RRAGC: variants seen among roughly 807,000 people sequenced by gnomAD.
The protein encoded by RRAGC is ras-related GTP-binding protein C.
In RRAGC, 8 loss-of-function variants were observed where a neutral mutation model predicts 37.1. That is an observed-to-expected ratio of 0.22 (90% confidence interval 0.13 to 0.39). The LOEUF is 0.39. Among genes scored for constraint, RRAGC ranks in the 10% least tolerant of loss-of-function variants. RRAGC has a pLI of 1.00. For missense variants in RRAGC, 342 were observed against 497.6 expected (o/e 0.69, Z 2.98); for synonymous variants, 190 against 181.1 (o/e 1.05, Z -0.39).
rs1642202515 is a variant in RRAGC at position 38,859,136 on chromosome 1, C to T, written c.237+274G>A. Among the ~76,000 whole-genome samples the T allele has an allele frequency of 2.6e-5, 4 of 152,358 alleles. No individual in the cohort carries two copies. In the South Asian group the frequency reaches 6.2e-4, roughly 24 times the overall value. On this transcript the variant is annotated intron_variant, in intron 1 of 6. Transcript: ENST00000373001. ...TCGTAAATGACACAGGAGCTGGGTC[C>T]CAGGGGGCGGAGGTCTTGGGCGGTG...
chr1:38,842,807 A>G (rs1641980596), intron 6 of RRAGC, among the ~76,000 whole-genome samples: 1 of 152,230 alleles, frequency 6.6e-6, no homozygotes, highest in South Asian at 2.1e-4. Context: ...AACCTGTAGA[A>G]TACTATATGG....
At chr1:38,857,376 G>A (rs2124235164) in intron 1 of RRAGC, among the ~76,000 whole-genome samples, 1 of 152,122 alleles carries the variant, frequency 6.6e-6, no homozygotes, top group South Asian at 2.1e-4. Context: ...GTTTTTCTGG[G>A]GGAAAGCTAA....
rs1397839977 is a variant in RRAGC, at chr1:38,838,400, T to C, written c.*1153A>G. On this transcript the variant is annotated 3_prime_UTR_variant, in exon 7 of 7. Transcript: ENST00000373001. ...ATATTGCATTAAACAGTGGCACTTA[T>C]GTACTCAAGTGGTCCAGTGGCTTTG... The C allele has an allele frequency of 2.6e-5, 4 of 152,248 alleles. No individual in the cohort carries two copies. The highest frequency in any genetic ancestry group is 1.9e-4 in the East Asian group (1 of 5,208). The allele number at this position is 152,248 out of a possible 1,614,324, so 9.4% of individuals were successfully genotyped here.
intron 6 of RRAGC, among the ~76,000 whole-genome samples, chr1:38,841,367 A>T (rs945442291): frequency 1.5e-5 from 2 of 130,058 alleles, no homozygotes; most frequent in Non-Finnish European, 3.5e-5. Context: ...CATAAACAAA[A>T]ATTTTTTTTT....
chr1:38,855,701 T>C lies in RRAGC; in HGVS notation c.641+7A>G. On this transcript the variant is annotated splice_region_variant and intron_variant, in intron 3 of 6. Transcript: ENST00000373001. ...AGGGCTTTCATATCAAACACACATG[T>C]TGTTACCTAAGATGGAGTTTTTCTA... The C allele has an allele frequency of 1.9e-6, 3 of 1,610,586 alleles. No individual in the cohort carries two copies. The highest frequency in any genetic ancestry group is 2.5e-6 in the Non-Finnish European group (3 of 1,176,820).
chr1:38,852,852 A>G (rs1474815011), intron 3 of RRAGC, among the ~76,000 whole-genome samples: 1 of 152,222 alleles, frequency 6.6e-6, no homozygotes, highest in African/African-American at 2.4e-5. Context: ...TGTGACATTT[A>G]TTAAATAAGA....
At chr1:38,841,591 C>T (rs1204374236) in intron 6 of RRAGC, among the ~76,000 whole-genome samples, 1 of 151,682 alleles carries the variant, frequency 6.6e-6, no homozygotes, top group Non-Finnish European at 1.5e-5. Flanking sequence ...TCTTGAACTC[C>T]TGAGCTCAAG....
intron 6 of RRAGC, 91 bp downstream of exon 6, chr1:38,845,848 C>G (rs1196125035): frequency 1.8e-6 from 2 of 1,081,504 alleles, no homozygotes; most frequent in African/African-American, 3.2e-5. Flanking sequence ...ATTTGTCTAA[C>G]ACTGCAATTA....
At position 38,854,637 on chromosome 1, in the gene RRAGC, C is replaced by T. The variant is rs531952484; in HGVS notation, c.641+1071G>A. On this transcript the variant is annotated intron_variant, in intron 3 of 6. Coordinates refer to ENST00000373001, the MANE Select transcript of RRAGC (RefSeq NM_022157.4). The stretch of plus-strand genomic sequence containing the variant: ...GGAGAGCCACTTACATTTTCTCCTA[C>T]AAACATTGCTGAATTTTTATTTTTT... 3.3e-5 allele frequency among the ~76,000 whole-genome samples: 5 copies of T among 152,336 alleles called. No individual in the cohort carries two copies. The South Asian group carries it at 1.0e-3, about 32-fold the overall frequency.
At chr1:38,859,273 G>C (rs1342553452) in intron 1 of RRAGC, 137 bp downstream of exon 1, 1 of 849,698 alleles carries the variant, frequency 1.2e-6, no homozygotes, top group African/African-American at 1.8e-5. Flanking sequence ...CCGCGCCTGT[G>C]CGCTCGCAAG....
chr1:38,844,022 T>C (rs1350164524), intron 6 of RRAGC, among the ~76,000 whole-genome samples: 1 of 151,984 alleles, frequency 6.6e-6, no homozygotes, highest in Non-Finnish European at 1.5e-5. Flanking sequence ...TCAGATTTGG[T>C]GAAAATTCAA....
chr1:38,857,508 G>A (rs1642181709), intron 1 of RRAGC, among the ~76,000 whole-genome samples: 1 of 152,104 alleles, frequency 6.6e-6, no homozygotes, highest in Non-Finnish European at 1.5e-5. Flanking sequence ...AATTTAAAAA[G>A]TGAAACAGAC....
intron 5 of RRAGC, among the ~76,000 whole-genome samples, chr1:38,850,508 C>T (rs934347987): frequency 1.6e-5 from 2 of 127,046 alleles, no homozygotes; most frequent in Non-Finnish European, 3.4e-5. Flanking sequence ...AGCAAGACTC[C>T]GTTTAATAAA....
intron 4 of RRAGC, among the ~76,000 whole-genome samples, chr1:38,852,040 A>G (rs991723110): frequency 6.6e-6 from 1 of 152,228 alleles, no homozygotes; most frequent in Non-Finnish European, 1.5e-5. Context: ...AAAATTTAAC[A>G]AAAATCTCTA....
intron 6 of RRAGC, among the ~76,000 whole-genome samples, chr1:38,840,147 C>CAAAAAA (rs397939319): frequency 2.4e-4 from 11 of 45,078 alleles, no homozygotes; most frequent in South Asian, 7.5e-4. Context: ...GACTCCAACT[C>CAAAAAA]AAAAAAAAAA....
At chr1:38,852,186 T>G (rs553457287) in intron 4 of RRAGC, among the ~76,000 whole-genome samples, 188 bp downstream of exon 4, 261 of 152,344 alleles carry the variant, frequency 1.7e-3, no homozygotes, top group South Asian at 3.9e-3. Flanking sequence ...GACATCAACA[T>G]CTATTTAAGA....
In RRAGC at chr1:38,855,694, A is replaced by G. The variant is rs778804097; in HGVS notation, c.641+14T>C. ...CTTGTTCAGGGCTTTCATATCAAAC[A>G]CACATGTTGTTACCTAAGATGGAGT... On this transcript the variant is annotated intron_variant, in intron 3 of 6. Coordinates refer to ENST00000373001, the MANE Select transcript of RRAGC (RefSeq NM_022157.4). 2.6e-5 allele frequency: 42 copies of G among 1,606,840 alleles called. No individual in the cohort carries two copies. Among genetic ancestry groups the G allele is most frequent in the Non-Finnish European group, 3.5e-5 (41 of 1,173,572 alleles).
rs1238778280 is a variant in RRAGC at position 38,859,718 on chromosome 1, C to G, written c.-72G>C. The G allele has an allele frequency of 1.7e-6, 2 of 1,209,958 alleles. No individual in the cohort carries two copies. The highest frequency in any genetic ancestry group is 3.2e-5 in the African/African-American group (2 of 62,958). The allele number at this position is 1,209,958 out of a possible 1,614,324, so 75.0% of individuals were successfully genotyped here. A position where few individuals can be genotyped will look rare whatever the true frequency, so the allele number is the denominator to read the frequency against. On this transcript the variant is annotated 5_prime_UTR_variant, in exon 1 of 7. Transcript: ENST00000373001. Reference sequence around the variant, plus strand: ...CGAGCCAGGCCGCCGCCTCCCCAGTCCGCCTCCGCCGCCGCCGCCACCACC... The same window carrying G: ...CGAGCCAGGCCGCCGCCTCCCCAGTGCGCCTCCGCCGCCGCCGCCACCACC...
At chr1:38,852,321 C>T in intron 4 of RRAGC, 53 bp downstream of exon 4, 1 of 995,280 alleles carries the variant, frequency 1.0e-6, no homozygotes, top group South Asian at 1.3e-5. Context: ...CAAATATATT[C>T]CCAAAAATGG....
Sources: allele counts gnomAD v4.1 joint callset (sites outside exome capture counted in the v4.1 genomes callset), GRCh38; gene constraint gnomAD v4.1.1; transcripts MANE v1.5; gene names NCBI Gene and HGNC (gene_info 2026-07-23, HGNC 2026-07-21).